Variants in KCNN2 observed in about 807,000 individuals in gnomAD.
KCNN2 encodes the protein small conductance calcium-activated potassium channel protein 2.
KCNN2 carries 24 observed loss-of-function variants against 55.5 expected under a neutral mutation model. That is an observed-to-expected ratio of 0.43 (90% CI 0.31 to 0.61). The LOEUF is 0.61. Among genes scored for constraint, KCNN2 ranks in the 20% least tolerant of loss-of-function variants. The pLI is 0.08. For synonymous variants in KCNN2, 431 were observed against 336.1 expected (o/e 1.28, Z -3.09); for missense variants, 754 against 853.6 (o/e 0.88, Z 1.45).
At chr5:114,194,336 A>C (rs992528388) in intron 1 of KCNN2, among the ~76,000 whole-genome samples, 1 of 152,018 alleles carries the variant, frequency 6.6e-6, no homozygotes, top group Non-Finnish European at 1.5e-5. Context: ...AAAGTTTCCA[A>C]TTTCTCCACA....
intron 1 of KCNN2, among the ~76,000 whole-genome samples, chr5:114,101,836 A>G (rs1751379947): frequency 6.6e-6 from 1 of 152,080 alleles, no homozygotes; most frequent in Non-Finnish European, 1.5e-5. Context: ...TCTATCATTG[A>G]TGGGCATTTG....
At chr5:114,130,734 T>C (rs1174251172) in intron 1 of KCNN2, among the ~76,000 whole-genome samples, 1 of 152,144 alleles carries the variant, frequency 6.6e-6, no homozygotes, top group East Asian at 1.9e-4. Context: ...TCCTCTTATG[T>C]CCCAACACTA....
At chr5:114,449,052 AG>A (rs1276490758) in intron 3 of KCNN2, among the ~76,000 whole-genome samples, 1 of 152,260 alleles carries the variant, frequency 6.6e-6, no homozygotes, top group East Asian at 1.9e-4. Flanking sequence ...GAGGCAGCTG[AG>A]GGGGCCCAAA....
intron 4 of KCNN2, among the ~76,000 whole-genome samples, chr5:114,466,873 T>A (rs1360011090): frequency 6.6e-6 from 1 of 152,208 alleles, no homozygotes; most frequent in East Asian, 1.9e-4. Context: ...TTTAGGTTTC[T>A]TCCATCCCAC....
chr5:114,375,908 G>C, intron 2 of KCNN2, among the ~76,000 whole-genome samples: 1 of 138,492 alleles, frequency 7.2e-6, no homozygotes, highest in Admixed American at 7.8e-5. Flanking sequence ...TGTATTCACT[G>C]GCTCTTGTGG....
intron 1 of KCNN2, among the ~76,000 whole-genome samples, chr5:114,160,526 G>C (rs1406594769): frequency 3.9e-5 from 6 of 152,064 alleles, no homozygotes; most frequent in Non-Finnish European, 8.8e-5. Context: ...AGGTCCACTT[G>C]GTGCAGAGCT....
intron 3 of KCNN2, among the ~76,000 whole-genome samples, chr5:114,427,625 T>C (rs951479190): frequency 1.3e-5 from 2 of 152,248 alleles, no homozygotes; most frequent in Non-Finnish European, 2.9e-5. Flanking sequence ...TCTTCATGTA[T>C]GTGCTCATTT....
In KCNN2 at chr5:114,295,094, G is replaced by C. The variant is rs559863355; in HGVS notation, c.-184-65851G>C. On this transcript the variant is annotated intron_variant, in intron 2 of 10. Transcript: ENST00000512097. Reference sequence around the variant, plus strand: ...GTCTCAGAGGAGTACCTGGCCGTGTGAGGTGTCAGTGTGCCCCTACTGAGG... The same window carrying C: ...GTCTCAGAGGAGTACCTGGCCGTGTCAGGTGTCAGTGTGCCCCTACTGAGG... Among the ~76,000 whole-genome samples, 1,122 of 152,290 alleles carry C rather than the reference G, an allele frequency of 7.4e-3. 6 individuals are homozygous for C. The highest frequency in any genetic ancestry group is 0.011 in the Non-Finnish European group (746 of 68,024).
intron 1 of KCNN2, among the ~76,000 whole-genome samples, chr5:114,116,034 C>A (rs1170141280): frequency 1.3e-5 from 2 of 152,048 alleles, no homozygotes; most frequent in Non-Finnish European, 2.9e-5. Context: ...GAATGCAGAT[C>A]TACATAGAAT....
intron 1 of KCNN2, among the ~76,000 whole-genome samples, chr5:114,135,624 C>T (rs1208664955): frequency 1.3e-5 from 2 of 152,198 alleles, no homozygotes; most frequent in Non-Finnish European, 2.9e-5. Context: ...GGTTGAGCAT[C>T]CATCCCACAG....
chr5:114,296,162 C>T (rs893739074), intron 2 of KCNN2, among the ~76,000 whole-genome samples: 1 of 152,154 alleles, frequency 6.6e-6, no homozygotes, highest in Non-Finnish European at 1.5e-5. Context: ...GTTTGAAAAA[C>T]ATTGTTCTAA....
intron 5 of KCNN2, among the ~76,000 whole-genome samples, chr5:114,476,542 C>G (rs575385873): frequency 1.3e-5 from 2 of 152,042 alleles, no homozygotes; most frequent in African/African-American, 4.8e-5. Context: ...CCTCAGCCCC[C>G]CAAATAGCTG....
chr5:114,167,841 C>G (rs1015722614), intron 1 of KCNN2, among the ~76,000 whole-genome samples: 2 of 152,110 alleles, frequency 1.3e-5, no homozygotes, highest in Non-Finnish European at 2.9e-5. Context: ...CCATACTTTT[C>G]AAGCAACCAC....
At chr5:114,385,705 A>G (rs1399828738) in intron 2 of KCNN2, among the ~76,000 whole-genome samples, 4 of 152,072 alleles carry the variant, frequency 2.6e-5, no homozygotes, top group Non-Finnish European at 4.4e-5. Flanking sequence ...CAAGCTTTTC[A>G]TGACCCCAAA....
chr5:114,226,272 T>C (rs1754236215), intron 2 of KCNN2, among the ~76,000 whole-genome samples: 1 of 152,212 alleles, frequency 6.6e-6, no homozygotes, highest in South Asian at 2.1e-4. Context: ...TATATGAGCA[T>C]TTTTAGAATT....
intron 6 of KCNN2, among the ~76,000 whole-genome samples, chr5:114,487,981 C>T (rs530966447): frequency 3.5e-4 from 53 of 152,278 alleles, no homozygotes; most frequent in African/African-American, 1.3e-3. Flanking sequence ...GATGCTTTGG[C>T]TATCCAATGA....
intron 2 of KCNN2, among the ~76,000 whole-genome samples, chr5:114,303,624 G>T (rs1221432688): frequency 1.3e-5 from 2 of 152,144 alleles, no homozygotes; most frequent in African/African-American, 4.8e-5. Context: ...TTATAATCTT[G>T]TGCATAGGGT....
At chr5:114,363,769 G>C in intron 1 of KCNN2, 137 bp from the exon 2 acceptor site, 1 of 631,816 alleles carries the variant, frequency 1.6e-6, no homozygotes, top group Non-Finnish European at 2.8e-6. Flanking sequence ...ACAGAGCCAA[G>C]ACAGGTGCAC....
At chr5:114,267,290 C>T (rs7733341) in intron 2 of KCNN2, among the ~76,000 whole-genome samples, 129,837 of 152,094 alleles carry the variant, frequency 0.85, 55,512 homozygotes, top group East Asian at 0.94. Flanking sequence ...CCACTGCGCC[C>T]GGCCCCACCT....
Sources: allele counts gnomAD v4.1 joint callset (sites outside exome capture counted in the v4.1 genomes callset), GRCh38; gene constraint gnomAD v4.1.1; transcripts MANE v1.5; gene names NCBI Gene and HGNC (gene_info 2026-07-23, HGNC 2026-07-21).